Variants in CELF2 observed in about 807,000 individuals in gnomAD.
CELF2 encodes CUG triplet repeat RNA-binding protein 2.
Under a neutral mutation model 62.6 loss-of-function variants are expected in CELF2, and 8 were observed. The observed-to-expected ratio is 0.13, with a 90% CI of 0.07 to 0.23. The LOEUF is 0.23. Among genes scored for constraint, CELF2 ranks in the 10% least tolerant of loss-of-function variants. The pLI is 1.00. For missense variants in CELF2, 333 were observed against 671.0 expected (o/e 0.50, Z 5.56); for synonymous variants, 258 against 250.0 (o/e 1.03, Z -0.30).
intron 1 of CELF2, among the ~76,000 whole-genome samples, chr10:10,882,045 A>G (rs929887081): frequency 6.6e-6 from 1 of 152,246 alleles, no homozygotes; most frequent in African/African-American, 2.4e-5. Context: ...TGGCAAAGCC[A>G]GCGGATTGCT....
At chr10:11,322,994 G>A (rs1016529913) in intron 11 of CELF2, among the ~76,000 whole-genome samples, 2 of 152,016 alleles carry the variant, frequency 1.3e-5, no homozygotes, top group Admixed American at 1.3e-4. Flanking sequence ...CCCACATGGT[G>A]GTCACCTCTC....
the CELF2 span, among the ~76,000 whole-genome samples, chr10:10,518,319 C>T: frequency 6.6e-6 from 1 of 152,196 alleles, no homozygotes; most frequent in Non-Finnish European, 1.5e-5. Flanking sequence ...GAGCTTTCTT[C>T]AGCCCAAGCT....
rs1210965136 is a variant in CELF2, at chr10:11,237,622, G to A, written c.355-11531G>A. 6.6e-6 allele frequency among the ~76,000 whole-genome samples: 1 copy of A among 152,224 alleles called. No individual in the cohort carries two copies. Among genetic ancestry groups the A allele is most frequent in the African/African-American group, 2.4e-5 (1 of 41,456 alleles). ...CCCCACTAGCATCTCCACACTGGGT[G>A]AGGGTTACAAGGGAGGCTGGGGGTC... On this transcript the variant is annotated intron_variant, in intron 3 of 12. Transcript: ENST00000633077. The surrounding 1 kb of genome is among the most constrained non-coding windows in gnomAD (Gnocchi z 4.0).
rs561069874 is a variant in CELF2, at chr10:11,022,329, G to T, written c.74+4166G>T. Among the ~76,000 whole-genome samples the T allele has an allele frequency of 6.6e-5, 10 of 152,254 alleles. No homozygotes were observed. The South Asian group carries it at 2.1e-3, about 32-fold the overall frequency. ...GATGTTATCTTTGATCTGGGCAGAG[G>T]TATTATTTTAATTGTTTAATCTTGC... is the stretch of plus-strand genomic sequence containing the variant. On this transcript the variant is annotated intron_variant, in intron 1 of 12. Transcript: ENST00000633077.
chr10:10,962,647 C>T (rs536048769), intron 2 of CELF2, among the ~76,000 whole-genome samples: 19 of 152,240 alleles, frequency 1.2e-4, no homozygotes, highest in Non-Finnish European at 2.5e-4. Context: ...TTGGTGTGAG[C>T]CCAGTAGTCT....
chr10:11,114,423 T>A (rs1243686502), intron 1 of CELF2, among the ~76,000 whole-genome samples: 1 of 152,210 alleles, frequency 6.6e-6, no homozygotes, highest in Non-Finnish European at 1.5e-5. Flanking sequence ...AATGTGACAG[T>A]TCTAGATGCT....
chr10:11,334,376 G>A lies in CELF2; in HGVS notation c.*5323G>A, dbSNP rs1197247646. On this transcript the variant is annotated 3_prime_UTR_variant, in exon 13 of 13. Coordinates refer to ENST00000633077, the MANE Select transcript of CELF2 (RefSeq NM_001326342.2). The stretch of plus-strand genomic sequence containing the variant: ...TCCTAATACTTGTTTCTCTCTCTGC[G>A]TGTTGTATTGTTGGTAGTCATTATA... 2 of 152,592 alleles carry A rather than the reference G, an allele frequency of 1.3e-5. No homozygotes were observed. The highest frequency in any genetic ancestry group is 2.9e-5 in the Non-Finnish European group (2 of 68,052). 9.5% of individuals were successfully genotyped at this position (152,592 alleles called of 1,614,324 possible).
At chr10:11,044,033 C>CT (rs2062346181) in intron 1 of CELF2, among the ~76,000 whole-genome samples, 1 of 152,204 alleles carries the variant, frequency 6.6e-6, no homozygotes, top group African/African-American at 2.4e-5. Flanking sequence ...GCCCTGAACC[C>CT]TCTTCCCTCA....
At chr10:11,256,683 AG>A (rs2078869813) in intron 4 of CELF2, among the ~76,000 whole-genome samples, 1 of 146,976 alleles carries the variant, frequency 6.8e-6, no homozygotes, top group Non-Finnish European at 1.5e-5. Flanking sequence ...AAAAAAAAAA[AG>A]GCACCTCTCC....
At chr10:11,092,100 A>G (rs756458196) in intron 1 of CELF2, among the ~76,000 whole-genome samples, 8 of 152,182 alleles carry the variant, frequency 5.3e-5, no homozygotes, top group Non-Finnish European at 1.0e-4. Context: ...TCAGAGATAG[A>G]TCCTTCTTCT....
chr10:10,527,208 G>A, the CELF2 span, among the ~76,000 whole-genome samples: 9 of 152,164 alleles, frequency 5.9e-5, no homozygotes, highest in Admixed American at 2.0e-4. Context: ...TTGGGAGGCC[G>A]AGGCGGGTGG....
intron 2 of CELF2, among the ~76,000 whole-genome samples, chr10:10,943,205 GTCT>G (rs1176092214): frequency 6.6e-6 from 1 of 152,140 alleles, no homozygotes; most frequent in Admixed American, 6.5e-5. Flanking sequence ...TCTGAATAAG[GTCT>G]TCTTCCTGGC....
intron 8 of CELF2, among the ~76,000 whole-genome samples, chr10:11,279,373 C>G (rs976457333): frequency 6.6e-6 from 1 of 152,154 alleles, no homozygotes; most frequent in Admixed American, 6.5e-5. Flanking sequence ...AGAAGACTGT[C>G]TTGGTGTCTA....
chr10:10,985,152 A>T (rs914286516), intron 2 of CELF2, among the ~76,000 whole-genome samples: 1 of 152,198 alleles, frequency 6.6e-6, no homozygotes, highest in Non-Finnish European at 1.5e-5. Flanking sequence ...TGCCATTTCA[A>T]GGAAATGTTC....
intron 1 of CELF2, among the ~76,000 whole-genome samples, chr10:10,822,905 T>G (rs999618930): frequency 6.6e-6 from 1 of 152,246 alleles, no homozygotes; most frequent in African/African-American, 2.4e-5. Context: ...TTCCAAAGAA[T>G]CTACTTATAA....
intron 2 of CELF2, among the ~76,000 whole-genome samples, chr10:11,184,395 C>A (rs2074285374): frequency 6.6e-6 from 1 of 152,160 alleles, no homozygotes; most frequent in South Asian, 2.1e-4. Context: ...CTTTGTATCT[C>A]CTCGTAAATT....
chr10:10,671,807 G>A, the CELF2 span, among the ~76,000 whole-genome samples: 1 of 151,498 alleles, frequency 6.6e-6, no homozygotes, highest in Non-Finnish European at 1.5e-5. Flanking sequence ...TCAGCTCACT[G>A]CAACCTCTGC....
chr10:10,534,258 G>A, the CELF2 span, among the ~76,000 whole-genome samples: 86 of 150,698 alleles, frequency 5.7e-4, 1 homozygote, highest in East Asian at 0.012. Flanking sequence ...GACAGAGAAA[G>A]GAAAAAGCAG....
chr10:10,817,974 C>T (rs938783774), intron 1 of CELF2, among the ~76,000 whole-genome samples: 10 of 152,156 alleles, frequency 6.6e-5, no homozygotes, highest in African/African-American at 2.4e-4. Context: ...AGTATTGAAT[C>T]TCTGAGGTAG....
Sources: allele counts gnomAD v4.1 joint callset (sites outside exome capture counted in the v4.1 genomes callset), GRCh38; gene constraint gnomAD v4.1.1; non-coding constraint Gnocchi (gnomAD v3.1); transcripts MANE v1.5; gene names NCBI Gene and HGNC (gene_info 2026-07-23, HGNC 2026-07-21).